Variants in LYPLAL1 observed in about 807,000 individuals in gnomAD.
LYPLAL1 encodes lysophospholipase-like protein 1.
In LYPLAL1, 23 loss-of-function variants were observed where a neutral mutation model predicts 19.7. The observed-to-expected ratio is 1.17, with a 90% CI of 0.84 to 1.65. LYPLAL1 has a LOEUF of 1.65. Among genes scored for constraint, LYPLAL1 ranks in the 40% most tolerant of loss-of-function variants. LYPLAL1 has a pLI of 0.00. For missense variants in LYPLAL1, 355 were observed against 279.4 expected, an observed-to-expected ratio of 1.27 and a Z score of -1.93; for synonymous variants, 119 against 96.3, an observed-to-expected ratio of 1.24 and a Z score of -1.38.
At chr1:219,348,893 A>G in the LYPLAL1 span, among the ~76,000 whole-genome samples, 3 of 152,232 alleles carry the variant, frequency 2.0e-5, no homozygotes, top group Non-Finnish European at 4.4e-5. Context: ...TAGAATTTAC[A>G]TATCTTGGTG....
At chr1:219,251,774 T>C in the LYPLAL1 span, among the ~76,000 whole-genome samples, 1 of 152,130 alleles carries the variant, frequency 6.6e-6, no homozygotes, top group African/African-American at 2.4e-5. Flanking sequence ...CCTTTTTGGT[T>C]CCATATGAAT....
At chr1:219,296,588 G>A in the LYPLAL1 span, among the ~76,000 whole-genome samples, 1 of 152,140 alleles carries the variant, frequency 6.6e-6, no homozygotes, top group African/African-American at 2.4e-5. Flanking sequence ...ACGGGTAGCT[G>A]GGAGGCAGGC....
chr1:219,430,220 A>G, the LYPLAL1 span, among the ~76,000 whole-genome samples: 2 of 147,218 alleles, frequency 1.4e-5, no homozygotes, highest in Middle Eastern at 3.6e-3. Context: ...CCTTAAGCCC[A>G]GGATGTCAAG....
chr1:219,315,035 T>C, the LYPLAL1 span, among the ~76,000 whole-genome samples: 1 of 152,146 alleles, frequency 6.6e-6, no homozygotes, highest in Non-Finnish European at 1.5e-5. Context: ...TGGGTGTGTA[T>C]GTTTTGAGGA....
the LYPLAL1 span, among the ~76,000 whole-genome samples, chr1:219,431,044 CTT>C: frequency 6.6e-6 from 1 of 152,096 alleles, no homozygotes; most frequent in Non-Finnish European, 1.5e-5. Context: ...TTAAGAGATA[CTT>C]AAAGACACTA....
chr1:219,392,288 G>A, the LYPLAL1 span, among the ~76,000 whole-genome samples: 1 of 152,130 alleles, frequency 6.6e-6, no homozygotes, highest in Admixed American at 6.5e-5. Context: ...TGAGTCACTG[G>A]CAAGAGCTGT....
the LYPLAL1 span, among the ~76,000 whole-genome samples, chr1:219,430,287 CAAAAAA>C: frequency 1.4e-5 from 1 of 69,786 alleles, no homozygotes; most frequent in Non-Finnish European, 2.9e-5. Flanking sequence ...GATCCTAGCT[CAAAAAA>C]AAAAAAAAAA....
chr1:219,232,842 G>C, the LYPLAL1 span, among the ~76,000 whole-genome samples: 1 of 149,618 alleles, frequency 6.7e-6, no homozygotes, highest in Non-Finnish European at 1.5e-5. Context: ...ATCACTGCCC[G>C]TCTGATAGGA....
intron 3 of LYPLAL1, among the ~76,000 whole-genome samples, chr1:219,202,481 T>G (rs557115478): frequency 6.6e-6 from 1 of 152,364 alleles, no homozygotes; most frequent in East Asian, 1.9e-4. Context: ...AAACAAGAGT[T>G]ACTGTTTAGT....
the LYPLAL1 span, among the ~76,000 whole-genome samples, chr1:219,424,278 A>T: frequency 6.6e-6 from 1 of 152,192 alleles, no homozygotes; most frequent in Non-Finnish European, 1.5e-5. Context: ...TCAGGACATC[A>T]TTCTAGGAGA....
intron 2 of LYPLAL1, among the ~76,000 whole-genome samples, chr1:219,186,896 C>T (rs1024991791): frequency 6.6e-6 from 1 of 151,752 alleles, no homozygotes; most frequent in Non-Finnish European, 1.5e-5. Context: ...TACTGCTTTT[C>T]ATTCCTCTGT....
the LYPLAL1 span, among the ~76,000 whole-genome samples, chr1:219,300,021 C>T: frequency 6.6e-6 from 1 of 152,170 alleles, no homozygotes; most frequent in Admixed American, 6.5e-5. Flanking sequence ...CTCTGTCACC[C>T]AGGTTGGAGT....
chr1:219,328,040 T>C, the LYPLAL1 span, among the ~76,000 whole-genome samples: 1 of 152,174 alleles, frequency 6.6e-6, no homozygotes, highest in Non-Finnish European at 1.5e-5. Context: ...ATCCTATACT[T>C]CCTGCTGTCT....
At chr1:219,190,190 G>A (rs553790975) in intron 2 of LYPLAL1, among the ~76,000 whole-genome samples, 2 of 151,432 alleles carry the variant, frequency 1.3e-5, no homozygotes, top group African/African-American at 4.8e-5. Flanking sequence ...TATAGAACGA[G>A]CACCATTCTA....
the LYPLAL1 span, among the ~76,000 whole-genome samples, chr1:219,335,136 C>A: frequency 6.6e-6 from 1 of 151,874 alleles, no homozygotes. Flanking sequence ...GAGAACTGAG[C>A]AGAAGAATTT....
chr1:219,398,925 G>C, the LYPLAL1 span, among the ~76,000 whole-genome samples: 1 of 152,212 alleles, frequency 6.6e-6, no homozygotes, highest in Non-Finnish European at 1.5e-5. Flanking sequence ...CCACTGTGCT[G>C]AGTGGCCTGA....
the LYPLAL1 span, among the ~76,000 whole-genome samples, chr1:219,267,366 C>G: frequency 6.6e-6 from 1 of 152,226 alleles, no homozygotes; most frequent in South Asian, 2.1e-4. Flanking sequence ...ATAACAACAA[C>G]AAAATATTCT....
chr1:219,273,910 A>G, the LYPLAL1 span, among the ~76,000 whole-genome samples: 1 of 152,122 alleles, frequency 6.6e-6, no homozygotes, highest in Non-Finnish European at 1.5e-5. Flanking sequence ...ACAGGTGTGC[A>G]CCATCACATC....
chr1:219,360,623 G>T, the LYPLAL1 span, among the ~76,000 whole-genome samples: 1 of 152,138 alleles, frequency 6.6e-6, no homozygotes, highest in Non-Finnish European at 1.5e-5. Flanking sequence ...GTGTGTCTGT[G>T]CATATGTGTG....
Sources: gnomAD v4.1 joint callset for allele counts (sites outside exome capture counted in the v4.1 genomes callset) on GRCh38, gnomAD v4.1.1 for gene constraint, MANE v1.5 for transcripts, NCBI Gene and HGNC (gene_info 2026-07-23, HGNC 2026-07-21) for gene names.